Variants in ANKRD45 observed in about 807,000 individuals in gnomAD.
ANKRD45 encodes ankyrin repeat domain-containing protein 45.
A neutral mutation model predicts 28.1 loss-of-function variants in ANKRD45; 21 were observed. That is an observed-to-expected ratio of 0.75 (90% CI 0.53 to 1.08). The LOEUF is 1.08. ANKRD45 is among the 50% of genes least tolerant of loss of function. The probability of loss-of-function intolerance (pLI) is 0.00; values close to 1 mark genes in which losing one functional copy is unlikely to be tolerated. For synonymous variants in ANKRD45, 86 were observed against 103.9 expected (o/e 0.83, Z 1.05); for missense variants, 261 against 308.7 (o/e 0.85, Z 1.16).
the ANKRD45 span, among the ~76,000 whole-genome samples, chr1:173,710,174 C>G: frequency 6.6e-6 from 1 of 152,070 alleles, no homozygotes; most frequent in Non-Finnish European, 1.5e-5. Flanking sequence ...AACAAACAAA[C>G]AAACAAAATA....
chr1:173,681,196 A>C, the ANKRD45 span, among the ~76,000 whole-genome samples: 12 of 152,158 alleles, frequency 7.9e-5, no homozygotes, highest in African/African-American at 2.9e-4. Context: ...TTAGAATATC[A>C]TATAATTTAT....
intron 1 of ANKRD45, chr1:173,667,721 A>G: frequency 2.3e-6 from 1 of 438,214 alleles, no homozygotes; most frequent in African/African-American, 2.1e-5. Context: ...AAAAAAAGAA[A>G]GAAAAAGAAA....
At chr1:173,697,450 G>A in the ANKRD45 span, among the ~76,000 whole-genome samples, 1 of 152,230 alleles carries the variant, frequency 6.6e-6, no homozygotes, top group African/African-American at 2.4e-5. Context: ...AAGCCCATCA[G>A]GCTAACAGCG....
intron 1 of ANKRD45, among the ~76,000 whole-genome samples, chr1:173,661,195 G>C (rs1049812183): frequency 1.4e-4 from 22 of 152,248 alleles, no homozygotes; most frequent in African/African-American, 5.1e-4. Context: ...TGTTTACCAG[G>C]GGTGAAGGGT....
chr1:173,624,459 C>T lies in ANKRD45; in HGVS notation c.730+328G>A, dbSNP rs550867359. ...CTACAATCACACCACTGCACCCCAG[C>T]CTGGGTAACAGAGGAAGACTCTGCC... On this transcript the variant is annotated intron_variant, in intron 5 of 5. Coordinates refer to ENST00000333279, the MANE Select transcript of ANKRD45 (RefSeq NM_198493.3). Among the ~76,000 whole-genome samples the T allele has an allele frequency of 1.5e-4, 23 of 150,988 alleles. 2 individuals carry two copies. The highest frequency in any genetic ancestry group is 5.4e-4 in the African/African-American group (22 of 40,926).
the ANKRD45 span, among the ~76,000 whole-genome samples, chr1:173,681,202 T>C: frequency 3.9e-5 from 6 of 152,176 alleles, no homozygotes; most frequent in Admixed American, 2.0e-4. Context: ...TATCATATAA[T>C]TTATTAAATC....
chr1:173,710,791 A>G, the ANKRD45 span, among the ~76,000 whole-genome samples: 1 of 152,148 alleles, frequency 6.6e-6, no homozygotes, highest in Non-Finnish European at 1.5e-5. Context: ...ATTATATTAG[A>G]GAGGCAGCGT....
the ANKRD45 span, among the ~76,000 whole-genome samples, chr1:173,712,727 C>T: frequency 6.6e-6 from 1 of 152,102 alleles, no homozygotes; most frequent in Admixed American, 6.6e-5. Context: ...TCAAAATATC[C>T]ATCTGCAGAA....
At chr1:173,708,634 T>C in the ANKRD45 span, among the ~76,000 whole-genome samples, 2 of 152,242 alleles carry the variant, frequency 1.3e-5, no homozygotes, top group Non-Finnish European at 2.9e-5. Context: ...AATTACTTTA[T>C]GGGGCACTGT....
the ANKRD45 span, among the ~76,000 whole-genome samples, chr1:173,708,996 A>G: frequency 6.6e-6 from 1 of 152,156 alleles, no homozygotes; most frequent in Non-Finnish European, 1.5e-5. Flanking sequence ...TTACTTGTGC[A>G]TATTCTTCCT....
chr1:173,615,738 A>G (rs750118585), intron 5 of ANKRD45, among the ~76,000 whole-genome samples: 7 of 152,226 alleles, frequency 4.6e-5, no homozygotes, highest in Admixed American at 1.3e-4. Context: ...AAATTTTCAT[A>G]CAACAGTTCA....
Position 173,627,063 on chromosome 1 carries a change from AC to A in ANKRD45, c.591+1del. On this transcript the variant is annotated splice_donor_variant, in intron 4 of 5. Transcript: ENST00000333279. LOFTEE classifies it high-confidence loss of function. Reference sequence around the variant, plus strand: ...GAACAAGCAATAATCACAATACAGTACCTTGTCTTCCTTAAGGAGTTTCCCT... The same window carrying A: ...GAACAAGCAATAATCACAATACAGTACTTGTCTTCCTTAAGGAGTTTCCCT... 2 of 1,592,000 alleles carry A rather than the reference AC, an allele frequency of 1.3e-6. No individual in the cohort carries two copies. The highest frequency in any genetic ancestry group is 1.7e-6 in the Non-Finnish European group (2 of 1,161,494).
the ANKRD45 span, among the ~76,000 whole-genome samples, chr1:173,684,646 A>C: frequency 6.6e-6 from 1 of 152,226 alleles, no homozygotes; most frequent in Non-Finnish European, 1.5e-5. Flanking sequence ...TGGACAGAGA[A>C]GTTAGACCTT....
intron 3 of ANKRD45, chr1:173,636,719 T>G (rs1668460703): frequency 1.3e-6 from 1 of 798,212 alleles, no homozygotes; most frequent in South Asian, 2.0e-5. Context: ...AAGGTTTGTT[T>G]ACATATTTAG....
At chr1:173,619,033 A>G (rs1667590413) in intron 5 of ANKRD45, among the ~76,000 whole-genome samples, 1 of 152,206 alleles carries the variant, frequency 6.6e-6, no homozygotes. Context: ...TATCCAGCCA[A>G]ACTAAGCTTC....
chr1:173,667,062 GA>G (rs1670056904), intron 1 of ANKRD45, among the ~76,000 whole-genome samples: 1 of 152,132 alleles, frequency 6.6e-6, no homozygotes, highest in South Asian at 2.1e-4. Context: ...TTGCATTTTA[GA>G]AAACTCATAC....
intron 3 of ANKRD45, chr1:173,635,638 A>C (rs1014139379): frequency 1.3e-6 from 2 of 1,535,564 alleles, no homozygotes; most frequent in Non-Finnish European, 1.7e-6. Context: ...AGATTCTTCC[A>C]GAAGAAGTAC....
chr1:173,621,483 G>T (rs1413020481), intron 5 of ANKRD45, among the ~76,000 whole-genome samples: 1 of 152,118 alleles, frequency 6.6e-6, no homozygotes, highest in Non-Finnish European at 1.5e-5. Flanking sequence ...TCATCTCCAG[G>T]ATGCAAGGTT....
chr1:173,679,360 T>C, the ANKRD45 span, among the ~76,000 whole-genome samples: 1 of 152,012 alleles, frequency 6.6e-6, no homozygotes, highest in Non-Finnish European at 1.5e-5. Context: ...TATAGACCAA[T>C]GGAACAGAAC....
Sources: gnomAD v4.1 joint callset for allele counts (sites outside exome capture counted in the v4.1 genomes callset) on GRCh38, gnomAD v4.1.1 for gene constraint, MANE v1.5 for transcripts, NCBI Gene and HGNC (gene_info 2026-07-23, HGNC 2026-07-21) for gene names.